The following SOS2 variants were observed in gnomAD, a reference collection of about 807,000 sequenced individuals.
SOS2 encodes SOS Ras/Rho guanine nucleotide exchange factor 2, also known as son of sevenless homolog 2.
Under a neutral mutation model 148.2 loss-of-function variants are expected in SOS2, and 65 were observed. That is an observed-to-expected ratio of 0.44 (90% CI 0.36 to 0.54). The LOEUF (loss-of-function observed/expected upper bound fraction) is 0.54, where lower values mean the gene tolerates loss of function less well. Ranked by LOEUF, SOS2 falls within the 20% of genes least tolerant of loss-of-function variation. The pLI, the probability that SOS2 is intolerant of heterozygous loss-of-function variation, is 0.00. For synonymous variants in SOS2, 539 were observed against 537.1 expected (o/e 1.00, Z -0.05); for missense variants, 1,341 against 1,590.2 (o/e 0.84, Z 2.67).
chr14:50,210,135 G>T (rs1886820318), intron 1 of SOS2, among the ~76,000 whole-genome samples: 1 of 152,180 alleles, frequency 6.6e-6, no homozygotes, highest in Admixed American at 6.5e-5. Context: ...TGCTCCAATG[G>T]TTGTCAGGAT....
chr14:50,160,151 C>A, intron 9 of SOS2, 65 bp from the exon 10 acceptor site: 3 of 1,238,192 alleles, frequency 2.4e-6, no homozygotes, highest in Non-Finnish European at 3.4e-6. Context: ...AAGCATAAAC[C>A]ATCTCAAATC....
chr14:50,225,750 G>A (rs1004668267), intron 1 of SOS2, among the ~76,000 whole-genome samples: 1 of 152,108 alleles, frequency 6.6e-6, no homozygotes, highest in Non-Finnish European at 1.5e-5. Flanking sequence ...TTTTGGCTTT[G>A]ACTTGAAGTA....
intron 5 of SOS2, among the ~76,000 whole-genome samples, chr14:50,185,791 A>G (rs1885889513): frequency 6.6e-6 from 1 of 152,140 alleles, no homozygotes. Flanking sequence ...GACAATAATA[A>G]CAACTAACAT....
At chr14:50,149,472 T>A (rs1431967456) in intron 14 of SOS2, among the ~76,000 whole-genome samples, 1 of 151,010 alleles carries the variant, frequency 6.6e-6, no homozygotes, top group East Asian at 1.9e-4. Flanking sequence ...AAGTAGAGAG[T>A]AGAACTGCAG....
At chr14:50,220,496 G>C (rs1054519018) in intron 1 of SOS2, among the ~76,000 whole-genome samples, 2 of 150,802 alleles carry the variant, frequency 1.3e-5, no homozygotes, top group African/African-American at 4.9e-5. Context: ...CAGATCTCTT[G>C]GCCTCACTGA....
intron 13 of SOS2, among the ~76,000 whole-genome samples, chr14:50,152,468 T>C (rs1306299644): frequency 6.6e-6 from 1 of 152,176 alleles, no homozygotes; most frequent in Non-Finnish European, 1.5e-5. Flanking sequence ...GTTGAAGAAA[T>C]GGCAACCTTG....
At chr14:50,131,946 T>G (rs992552125) in intron 19 of SOS2, among the ~76,000 whole-genome samples, 7 of 152,150 alleles carry the variant, frequency 4.6e-5, no homozygotes, top group Non-Finnish European at 1.0e-4. Flanking sequence ...CTCAACTGGT[T>G]CAGCTTATAC....
intron 21 of SOS2, among the ~76,000 whole-genome samples, chr14:50,127,894 G>A (rs570030148): frequency 6.6e-6 from 1 of 152,314 alleles, no homozygotes; most frequent in East Asian, 1.9e-4. Context: ...GCAGAAGACC[G>A]TGGAGGAAAA....
intron 1 of SOS2, among the ~76,000 whole-genome samples, chr14:50,229,155 C>T (rs1000576541): frequency 6.6e-6 from 1 of 152,138 alleles, no homozygotes; most frequent in African/African-American, 2.4e-5. Flanking sequence ...TCTTAGCAGG[C>T]ACTACAGACC....
At chr14:50,118,905 A>T in intron 22 of SOS2, 52 bp from the exon 23 acceptor site, 1 of 1,232,240 alleles carries the variant, frequency 8.1e-7, no homozygotes, top group Non-Finnish European at 1.1e-6. Context: ...AATTAAAAAA[A>T]AAAATTTTTA....
rs1490235666 is a variant in SOS2, at chr14:50,224,312, T to TACAC, written c.87+6884_87+6885insGTGT. ...TCTCAGGAAAAAAAAAAAATATATA[T>TACAC]ATACACACACACACACACACACACA... On this transcript the variant is annotated intron_variant, in intron 1 of 22. Coordinates refer to ENST00000216373, the MANE Select transcript of SOS2 (RefSeq NM_006939.4). 4.9e-4 allele frequency among the ~76,000 whole-genome samples: 26 copies of TACAC among 53,274 alleles called. 1 individual carries two copies. The highest frequency in any genetic ancestry group is 9.1e-3 in the Middle Eastern group (1 of 110). The allele number at this position is 53,274 out of a possible 152,430, so 34.9% of individuals were successfully genotyped here.
rs753590435 is a variant in SOS2 at position 50,133,242 on chromosome 14, C to CTTTTTTTTTTTTTTT, written c.3075+880_3075+881insAAAAAAAAAAAAAAA. 2.4e-4 allele frequency among the ~76,000 whole-genome samples: 19 copies of CTTTTTTTTTTTTTTT among 78,802 alleles called. 3 individuals are homozygous for CTTTTTTTTTTTTTTT. The highest frequency in any genetic ancestry group is 1.4e-3 in the East Asian group (3 of 2,170). The allele number at this position is 78,802 out of a possible 152,430, so 51.7% of individuals were successfully genotyped here. A position where few individuals can be genotyped will look rare whatever the true frequency, so the allele number is the denominator to read the frequency against. On this transcript the variant is annotated intron_variant, in intron 19 of 22. Transcript: ENST00000216373. ...TTTCCATGAACTTTTTTTCTTTTTTCTTTTTTCTTTTTTTTTTTTTTTGAG... is the reference window on the plus strand; with the variant it reads ...TTTCCATGAACTTTTTTTCTTTTTTCTTTTTTTTTTTTTTTTTTTTTCTTTTTTTTTTTTTTTGAG...
Position 50,231,150 on chromosome 14 carries a change from CG to C in SOS2, c.87+46del, listed in dbSNP as rs1240816010. Reference sequence around the variant, plus strand: ...GACGACCTGCTCCCCGTTAGAAGCTCGGGGGGCCACGGGCCACCCGCCGGCC... The same window carrying C: ...GACGACCTGCTCCCCGTTAGAAGCTCGGGGGCCACGGGCCACCCGCCGGCC... On this transcript the variant is annotated intron_variant, in intron 1 of 22. Coordinates refer to ENST00000216373, the MANE Select transcript of SOS2 (RefSeq NM_006939.4). 9 of 1,089,444 alleles carry C rather than the reference CG, an allele frequency of 8.3e-6. No individual in the cohort carries two copies. The South Asian group carries it at 8.7e-5, about 10-fold the overall frequency. 67.5% of individuals were successfully genotyped at this position (1,089,444 alleles called of 1,614,324 possible).
intron 7 of SOS2, among the ~76,000 whole-genome samples, chr14:50,179,116 T>C (rs918025505): frequency 3.3e-5 from 5 of 152,160 alleles, no homozygotes; most frequent in African/African-American, 1.2e-4. Flanking sequence ...AAATATCCAC[T>C]GGATTTGGCA....
At chr14:50,209,031 A>T (rs1240576127) in intron 1 of SOS2, among the ~76,000 whole-genome samples, 2 of 152,184 alleles carry the variant, frequency 1.3e-5, no homozygotes, top group Non-Finnish European at 2.9e-5. Flanking sequence ...TAAAGGCCTG[A>T]ATAGAACAAA....
intron 7 of SOS2, among the ~76,000 whole-genome samples, chr14:50,179,364 G>A (rs570516326): frequency 1.3e-5 from 2 of 152,150 alleles, no homozygotes; most frequent in South Asian, 2.1e-4. Context: ...CAAACGTCAA[G>A]GGGTAAAAGC....
At position 50,158,650 on chromosome 14, in the gene SOS2, A is replaced by C; in HGVS notation, c.1853-4T>G. 1 of 1,584,718 alleles carries C rather than the reference A, an allele frequency of 6.3e-7. No homozygotes were observed. The highest frequency in any genetic ancestry group is 8.6e-7 in the Non-Finnish European group (1 of 1,158,330). On this transcript the variant is annotated splice_polypyrimidine_tract_variant and splice_region_variant and intron_variant, in intron 10 of 22. Coordinates refer to ENST00000216373, the MANE Select transcript of SOS2 (RefSeq NM_006939.4). The stretch of plus-strand genomic sequence containing the variant: ...AAAGTACGAACAAAATTGGGATCTG[A>C]AAAGGCAGAGCATAAAATAGGTTTC...
chr14:50,122,391 CTTTTT>C (rs71118839), intron 21 of SOS2, among the ~76,000 whole-genome samples: 3 of 88,292 alleles, frequency 3.4e-5, no homozygotes, highest in South Asian at 4.4e-4. Context: ...GAACCCTGGG[CTTTTT>C]TTTTTTTTTT....
chr14:50,136,935 A>T (rs1019358024), intron 18 of SOS2, among the ~76,000 whole-genome samples: 2 of 151,920 alleles, frequency 1.3e-5, no homozygotes, highest in Non-Finnish European at 2.9e-5. Flanking sequence ...TTTTCTTAGG[A>T]CTTTAGGGTA....
Sources: gnomAD v4.1 joint callset for allele counts (sites outside exome capture counted in the v4.1 genomes callset) on GRCh38, gnomAD v4.1.1 for gene constraint, MANE v1.5 for transcripts, NCBI Gene and HGNC (gene_info 2026-07-23, HGNC 2026-07-21) for gene names.